TRPS1: variants seen among roughly 807,000 people sequenced by gnomAD.
TRPS1 encodes zinc finger transcription factor Trps1.
TRPS1 carries 6 observed loss-of-function variants against 101.2 expected under a neutral mutation model. The ratio of observed to expected loss-of-function variants is 0.06; its 90% CI spans 0.03 to 0.12. The LOEUF (loss-of-function observed/expected upper bound fraction) is 0.12, where lower values mean the gene tolerates loss of function less well. TRPS1 is among the 10% of genes least tolerant of loss of function. The pLI is 1.00. For synonymous variants in TRPS1, 578 were observed against 589.8 expected, an observed-to-expected ratio of 0.98 and a Z score of 0.29; for missense variants, 1,363 against 1,567.0, an observed-to-expected ratio of 0.87 and a Z score of 2.20.
At chr8:115,468,188 C>T (rs1814374548) in intron 5 of TRPS1, among the ~76,000 whole-genome samples, 2 of 152,118 alleles carry the variant, frequency 1.3e-5, no homozygotes, top group Non-Finnish European at 2.9e-5. Context: ...AGTGAATTTT[C>T]AATTATCTTC....
At chr8:115,446,948 A>C (rs1233819209) in intron 5 of TRPS1, among the ~76,000 whole-genome samples, 2 of 152,148 alleles carry the variant, frequency 1.3e-5, no homozygotes, top group African/African-American at 2.4e-5. Flanking sequence ...TGTTTTTCAA[A>C]GGTGAGGGTG....
chr8:115,511,786 A>G (rs1815590562), intron 5 of TRPS1, among the ~76,000 whole-genome samples: 1 of 151,936 alleles, frequency 6.6e-6, no homozygotes. Context: ...AAGTTAAATA[A>G]TAGGTGACAT....
intron 4 of TRPS1, among the ~76,000 whole-genome samples, chr8:115,597,622 T>G (rs1298369529): frequency 6.6e-6 from 1 of 152,106 alleles, no homozygotes; most frequent in Non-Finnish European, 1.5e-5. Context: ...TTGAAAAATT[T>G]TTTGTGCTTA....
intron 5 of TRPS1, among the ~76,000 whole-genome samples, chr8:115,581,122 G>A (rs111341625): frequency 1.5e-3 from 234 of 151,792 alleles, no homozygotes; most frequent in Non-Finnish European, 2.3e-3. Flanking sequence ...ACAGGCGAAC[G>A]TTATTTTAAG....
intron 5 of TRPS1, among the ~76,000 whole-genome samples, chr8:115,482,710 A>T (rs1479254918): frequency 2.0e-5 from 3 of 152,198 alleles, no homozygotes; most frequent in Non-Finnish European, 4.4e-5. Context: ...CAAAGATCAA[A>T]TCTAGAGAGT....
At chr8:115,645,968 T>C (rs376188489) in intron 1 of TRPS1, among the ~76,000 whole-genome samples, 4 of 152,184 alleles carry the variant, frequency 2.6e-5, no homozygotes, top group East Asian at 3.8e-4. Context: ...CTACAATAGC[T>C]GACGGCTAGA....
intron 5 of TRPS1, among the ~76,000 whole-genome samples, chr8:115,542,571 GGGAGAA>G (rs1816479213): frequency 6.6e-6 from 1 of 152,066 alleles, no homozygotes. Context: ...GGGAGAAAAA[GGGAGAA>G]GGTCTAATTT....
At chr8:115,606,671 C>A (rs1818044328) in intron 3 of TRPS1, among the ~76,000 whole-genome samples, 1 of 152,068 alleles carries the variant, frequency 6.6e-6, no homozygotes, top group South Asian at 2.1e-4. Flanking sequence ...ACACTCTAAT[C>A]TAGCATTTAA....
intron 1 of TRPS1, among the ~76,000 whole-genome samples, chr8:115,629,309 T>C (rs1423262594): frequency 6.6e-6 from 1 of 151,844 alleles, no homozygotes; most frequent in East Asian, 1.9e-4. Flanking sequence ...TTGAGGCATA[T>C]CATCATTAAA....
chr8:115,429,395 T>C (rs1813265133), intron 5 of TRPS1, among the ~76,000 whole-genome samples: 1 of 152,214 alleles, frequency 6.6e-6, no homozygotes, highest in Admixed American at 6.5e-5. Flanking sequence ...CTCTCTTCAG[T>C]ACCACCAGAT....
chr8:115,498,674 G>A (rs1815228645), intron 5 of TRPS1, among the ~76,000 whole-genome samples: 1 of 151,756 alleles, frequency 6.6e-6, no homozygotes, highest in African/African-American at 2.4e-5. Flanking sequence ...AAAAGTTAGT[G>A]TCACACAAAG....
chr8:115,543,516 T>C (rs959558865), intron 5 of TRPS1, among the ~76,000 whole-genome samples: 3 of 152,184 alleles, frequency 2.0e-5, no homozygotes, highest in Non-Finnish European at 1.5e-5. Flanking sequence ...GGTTCTAAGA[T>C]ATGCAAGTGA....
chr8:115,446,767 CT>C (rs1296973593), intron 5 of TRPS1, among the ~76,000 whole-genome samples: 1 of 152,142 alleles, frequency 6.6e-6, no homozygotes, highest in Admixed American at 6.6e-5. Flanking sequence ...ATCTGACAGA[CT>C]GACTTATACA....
At chr8:115,483,335 C>T (rs564911172) in intron 5 of TRPS1, among the ~76,000 whole-genome samples, 71 of 151,838 alleles carry the variant, frequency 4.7e-4, no homozygotes, top group African/African-American at 1.7e-3. Flanking sequence ...AGTGTAAGAC[C>T]GGCCTGGGCA....
chr8:115,441,850 G>C (rs929468240), intron 5 of TRPS1, among the ~76,000 whole-genome samples: 1 of 149,818 alleles, frequency 6.7e-6, no homozygotes, highest in African/African-American at 2.5e-5. Flanking sequence ...ACCATGATAG[G>C]TCTCCCAATT....
At chr8:115,555,430 T>C (rs1304322438) in intron 5 of TRPS1, among the ~76,000 whole-genome samples, 1 of 152,106 alleles carries the variant, frequency 6.6e-6, no homozygotes, top group Admixed American at 6.6e-5. Flanking sequence ...AACCTAACAG[T>C]TTTTCCGAAC....
At chr8:115,564,083 G>T (rs1817010401) in intron 5 of TRPS1, among the ~76,000 whole-genome samples, 1 of 152,060 alleles carries the variant, frequency 6.6e-6, no homozygotes. Flanking sequence ...CTCCAGTTAT[G>T]AACTGAGCCT....
intron 1 of TRPS1, among the ~76,000 whole-genome samples, chr8:115,628,194 C>T (rs1042780405): frequency 4.6e-5 from 7 of 151,804 alleles, no homozygotes; most frequent in Non-Finnish European, 8.9e-5. Context: ...CACTCCTACT[C>T]TACCACAGGG....
chr8:115,466,697 T>TGAGTAGG (rs1218590156), intron 5 of TRPS1, among the ~76,000 whole-genome samples: 1 of 152,108 alleles, frequency 6.6e-6, no homozygotes, highest in Non-Finnish European at 1.5e-5. Flanking sequence ...ACACAGCCAT[T>TGAGTAGG]TGAGTAGGGA....
Sources: allele counts gnomAD v4.1 joint callset (sites outside exome capture counted in the v4.1 genomes callset), GRCh38; gene constraint gnomAD v4.1.1; transcripts MANE v1.5; gene names NCBI Gene and HGNC (gene_info 2026-07-23, HGNC 2026-07-21).